KANK1: variants seen among roughly 807,000 people sequenced by gnomAD.
KANK1 encodes the protein KN motif and ankyrin repeat domain-containing protein 1.
A neutral mutation model predicts 106.2 loss-of-function variants in KANK1; 109 were observed. That is an observed-to-expected ratio of 1.03 (90% CI 0.88 to 1.20). The LOEUF (loss-of-function observed/expected upper bound fraction) is 1.20. KANK1 is among the 50% of genes most tolerant of loss of function. KANK1 has a pLI of 0.00. For synonymous variants in KANK1, 873 were observed against 652.2 expected (o/e 1.34, Z -5.16); for missense variants, 2,399 against 1,710.7 (o/e 1.40, Z -7.10).
intron 1 of KANK1, among the ~76,000 whole-genome samples, chr9:605,103 A>G (rs1828755813): frequency 6.6e-6 from 1 of 151,632 alleles, no homozygotes; most frequent in African/African-American, 2.4e-5. Context: ...GGAGTTTGAG[A>G]CCAGCCTGAC....
At position 711,546 on chromosome 9, in the gene KANK1, G is replaced by A. The variant is rs150279798; in HGVS notation, c.780G>A (p.Leu260=). 6.8e-6 allele frequency: 11 copies of A among 1,613,896 alleles called. No individual in the cohort carries two copies. The highest frequency in any genetic ancestry group is 9.3e-6 in the Non-Finnish European group (11 of 1,179,882). The change falls in exon 3 of 12, where the codon CTG becomes CTA. Residue 260 remains leucine (L), a synonymous_variant. Transcript: ENST00000382297. ...TGACCAACGTGAGCCCCATGCACCT[G>A]CAGCACATCCGCGAGCAGATGGCCA... is the stretch of plus-strand genomic sequence containing the variant. The part of the protein sequence containing the change: ...TPVTNVSPMH[L]QHIREQMAIA...
intron 3 of KANK1, among the ~76,000 whole-genome samples, chr9:480,885 G>C (rs1310082067): frequency 6.6e-6 from 1 of 152,220 alleles, no homozygotes; most frequent in African/African-American, 2.4e-5. Context: ...CAGAGGACTG[G>C]AGAGGCACAG....
At chr9:485,423 TCA>T (rs1164013827) in intron 3 of KANK1, among the ~76,000 whole-genome samples, 1 of 152,208 alleles carries the variant, frequency 6.6e-6, no homozygotes, top group Non-Finnish European at 1.5e-5. Context: ...ATTTCTATAA[TCA>T]CAAAAAGATC....
chr9:514,840 G>T (rs1282056820), intron 1 of KANK1, among the ~76,000 whole-genome samples: 1 of 151,686 alleles, frequency 6.6e-6, no homozygotes, highest in Admixed American at 6.6e-5. Context: ...CAGTTCAACT[G>T]GAGTAGGTAC....
At chr9:694,291 C>G (rs1208191252) in intron 2 of KANK1, among the ~76,000 whole-genome samples, 1 of 152,320 alleles carries the variant, frequency 6.6e-6, no homozygotes, top group East Asian at 1.9e-4. Context: ...CCTAAGTTAG[C>G]CAGTGCTCCT....
intron 1 of KANK1, among the ~76,000 whole-genome samples, chr9:584,143 A>G (rs1822857155): frequency 6.6e-6 from 1 of 152,202 alleles, no homozygotes; most frequent in Non-Finnish European, 1.5e-5. Context: ...TAAGTGCTTC[A>G]AGGGAATTTA....
chr9:588,928 A>G (rs1238142252), intron 1 of KANK1, among the ~76,000 whole-genome samples: 1 of 152,196 alleles, frequency 6.6e-6, no homozygotes, highest in African/African-American at 2.4e-5. Flanking sequence ...TATATGATTA[A>G]AAAAACCCAA....
intron 1 of KANK1, among the ~76,000 whole-genome samples, chr9:661,525 T>C (rs1843311616): frequency 6.6e-6 from 1 of 152,190 alleles, no homozygotes; most frequent in Non-Finnish European, 1.5e-5. Context: ...AGTCTATCAT[T>C]GATGGGCATT....
intron 2 of KANK1, chr9:684,515 G>C: frequency 1.0e-6 from 1 of 985,386 alleles, no homozygotes; most frequent in South Asian, 4.7e-5. Flanking sequence ...GGTTAAAACA[G>C]CCCTTCCTAC....
At chr9:530,208 A>G (rs190642871) in intron 1 of KANK1, among the ~76,000 whole-genome samples, 2 of 152,166 alleles carry the variant, frequency 1.3e-5, no homozygotes, top group Non-Finnish European at 2.9e-5. Context: ...GATTCGGGTT[A>G]TATTACATTT....
chr9:475,735 TC>T, intron 3 of KANK1, among the ~76,000 whole-genome samples: 1 of 152,352 alleles, frequency 6.6e-6, no homozygotes, highest in Middle Eastern at 3.4e-3. Flanking sequence ...TGCAAAGCCA[TC>T]CTTTGTAGGG....
At chr9:579,584 G>T (rs1226857889) in intron 1 of KANK1, among the ~76,000 whole-genome samples, 1 of 152,046 alleles carries the variant, frequency 6.6e-6, no homozygotes, top group Non-Finnish European at 1.5e-5. Context: ...AAAACCCTAG[G>T]GGAGAAGCAT....
At chr9:679,575 T>C (rs888232920) in intron 2 of KANK1, among the ~76,000 whole-genome samples, 1 of 152,146 alleles carries the variant, frequency 6.6e-6, no homozygotes, top group African/African-American at 2.4e-5. Flanking sequence ...CCATCACGCC[T>C]GGCCAATTTT....
rs559822872 is a variant in KANK1, at chr9:610,416, A to T, written c.-83-66474A>T. Among the ~76,000 whole-genome samples the T allele has an allele frequency of 2.0e-5, 3 of 152,330 alleles. 1 individual carries two copies. In the South Asian group the frequency reaches 6.2e-4, roughly 32 times the overall value. On this transcript the variant is annotated intron_variant, in intron 1 of 11. Coordinates refer to ENST00000382297, the MANE Select transcript of KANK1 (RefSeq NM_015158.5). Reference sequence around the variant, plus strand: ...TGAAGAATTGAGTGATATGGAAGTGATAATGGTGTACTATATGGGTGAAAA... The same window carrying T: ...TGAAGAATTGAGTGATATGGAAGTGTTAATGGTGTACTATATGGGTGAAAA...
Position 666,901 on chromosome 9 carries a change from C to CTTTTTTTTTTTTTTTTT in KANK1, c.-83-9981_-83-9965dup, listed in dbSNP as rs35149316. ...ATCAGTGAAATTAGCCTATTGTTGTCTTTTTTTTTTTTTTTTTTTTTTTTG... is the reference window on the plus strand; with the variant it reads ...ATCAGTGAAATTAGCCTATTGTTGTCTTTTTTTTTTTTTTTTTTTTTTTTTTTTTTTTTTTTTTTTTG... On this transcript the variant is annotated intron_variant, in intron 1 of 11. Transcript: ENST00000382297. Among the ~76,000 whole-genome samples the CTTTTTTTTTTTTTTTTT allele has an allele frequency of 3.7e-5, 2 of 53,494 alleles. 1 individual carries two copies. Among genetic ancestry groups the CTTTTTTTTTTTTTTTTT allele is most frequent in the African/African-American group, 1.7e-4 (2 of 11,546 alleles). The allele number at this position is 53,494 out of a possible 152,430, so 35.1% of individuals were successfully genotyped here.
intron 1 of KANK1, among the ~76,000 whole-genome samples, chr9:648,998 C>G (rs1165853121): frequency 6.6e-6 from 1 of 152,144 alleles, no homozygotes; most frequent in Non-Finnish European, 1.5e-5. Context: ...GGCATTTATA[C>G]TAAGTGGCGA....
chr9:611,040 A>G (rs1588232930), intron 1 of KANK1, among the ~76,000 whole-genome samples: 2 of 152,176 alleles, frequency 1.3e-5, no homozygotes, highest in South Asian at 4.1e-4. Flanking sequence ...GTTGTCACTC[A>G]CTTTATTACT....
At chr9:651,018 C>T (rs1840767906) in intron 1 of KANK1, among the ~76,000 whole-genome samples, 1 of 152,128 alleles carries the variant, frequency 6.6e-6, no homozygotes, top group Admixed American at 6.5e-5. Flanking sequence ...ACAGGGCCAC[C>T]ACTAACTAGT....
chr9:477,048 C>G (rs143754496), intron 3 of KANK1, among the ~76,000 whole-genome samples: 13 of 152,264 alleles, frequency 8.5e-5, no homozygotes, highest in African/African-American at 3.1e-4. Flanking sequence ...GCACATTTGT[C>G]TGATACTAAG....
Sources: allele counts gnomAD v4.1 joint callset (sites outside exome capture counted in the v4.1 genomes callset), GRCh38; gene constraint gnomAD v4.1.1; transcripts MANE v1.5; gene names NCBI Gene and HGNC (gene_info 2026-07-23, HGNC 2026-07-21).